Variants in CPNE8 observed in about 807,000 individuals in gnomAD.
The protein encoded by CPNE8 is copine 8.
A neutral mutation model predicts 81.5 loss-of-function variants in CPNE8; 45 were observed. That is an observed-to-expected ratio of 0.55 (90% CI 0.44 to 0.71). CPNE8 has a LOEUF of 0.71. CPNE8 is among the 30% of genes least tolerant of loss of function. CPNE8 has a pLI of 0.00. For synonymous variants in CPNE8, 252 were observed against 226.3 expected (o/e 1.11, Z -1.02); for missense variants, 594 against 672.1 (o/e 0.88, Z 1.28).
intron 10 of CPNE8, among the ~76,000 whole-genome samples, chr12:38,740,075 A>T (rs1272415563): frequency 1.3e-5 from 2 of 152,182 alleles, no homozygotes; most frequent in Non-Finnish European, 1.5e-5. Context: ...TCTAAACAAA[A>T]ATCCCACTGT....
chr12:38,799,015 T>A (rs956130492), intron 6 of CPNE8, among the ~76,000 whole-genome samples: 1 of 152,116 alleles, frequency 6.6e-6, no homozygotes, highest in Non-Finnish European at 1.5e-5. Context: ...TAAATATATA[T>A]TCACCCAATA....
At chr12:38,840,005 G>GA (rs746874043) in intron 4 of CPNE8, 50 bp from the exon 5 acceptor site, 136 of 1,477,344 alleles carry the variant, frequency 9.2e-5, no homozygotes, top group East Asian at 2.1e-4. Flanking sequence ...AATACAGCTA[G>GA]AAAAAAAACC....
intron 4 of CPNE8, among the ~76,000 whole-genome samples, chr12:38,842,726 C>T (rs973575710): frequency 2.6e-5 from 4 of 151,574 alleles, no homozygotes; most frequent in East Asian, 3.9e-4. Context: ...CATAGGTGCC[C>T]GCCATCACAC....
At chr12:38,681,651 C>G (rs1462412394) in intron 16 of CPNE8, among the ~76,000 whole-genome samples, 1 of 152,148 alleles carries the variant, frequency 6.6e-6, no homozygotes, top group Non-Finnish European at 1.5e-5. Flanking sequence ...AGAGCAAAAA[C>G]TGGTTTCCCA....
At chr12:38,853,097 T>C (rs1288499509) in intron 3 of CPNE8, among the ~76,000 whole-genome samples, 1 of 152,192 alleles carries the variant, frequency 6.6e-6, no homozygotes, top group Middle Eastern at 3.2e-3. Context: ...GTTCAGCTTA[T>C]GGGAAATACA....
chr12:38,771,420 T>C (rs766721156), intron 7 of CPNE8, among the ~76,000 whole-genome samples: 13 of 152,034 alleles, frequency 8.6e-5, no homozygotes, highest in Non-Finnish European at 1.9e-4. Context: ...TAGCCAAAAT[T>C]GTGCCACTGC....
chr12:38,659,927 A>C (rs753580287), intron 19 of CPNE8, among the ~76,000 whole-genome samples: 3 of 152,204 alleles, frequency 2.0e-5, no homozygotes, highest in Admixed American at 6.5e-5. Flanking sequence ...GGACCTCTTC[A>C]AGGAGAACTA....
At chr12:38,902,894 A>T (rs1377982766) in intron 1 of CPNE8, among the ~76,000 whole-genome samples, 1 of 152,056 alleles carries the variant, frequency 6.6e-6, no homozygotes, top group Non-Finnish European at 1.5e-5. Flanking sequence ...CCTTGATAAC[A>T]CTCTATATAA....
chr12:38,882,684 A>G (rs1214049080), intron 1 of CPNE8, among the ~76,000 whole-genome samples: 2 of 152,114 alleles, frequency 1.3e-5, no homozygotes, highest in Non-Finnish European at 2.9e-5. Flanking sequence ...CTCGCTTGCA[A>G]AAAACCCATT....
In CPNE8 at chr12:38,866,258, T is replaced by C. The variant is rs1943912063; in HGVS notation, c.186+6746A>G. Among the ~76,000 whole-genome samples the C allele has an allele frequency of 1.3e-5, 2 of 152,252 alleles. 1 individual carries two copies. The highest frequency in any genetic ancestry group is 4.8e-5 in the African/African-American group (2 of 41,472). Reference sequence around the variant, plus strand: ...CTCAATCAATCACAGGAAGTCTTTATACATATTGTGAGACTCCTTCCAATA... The same window carrying C: ...CTCAATCAATCACAGGAAGTCTTTACACATATTGTGAGACTCCTTCCAATA... On this transcript the variant is annotated intron_variant, in intron 3 of 19. Coordinates refer to ENST00000331366, the MANE Select transcript of CPNE8 (RefSeq NM_153634.3).
intron 3 of CPNE8, among the ~76,000 whole-genome samples, chr12:38,872,689 TA>T (rs1442106392): frequency 6.6e-6 from 1 of 152,202 alleles, no homozygotes; most frequent in Non-Finnish European, 1.5e-5. Flanking sequence ...AATTGATCTC[TA>T]AAAATAAGAC....
At chr12:38,898,907 A>C (rs543916576) in intron 1 of CPNE8, among the ~76,000 whole-genome samples, 46 of 152,332 alleles carry the variant, frequency 3.0e-4, no homozygotes, top group African/African-American at 1.1e-3. Context: ...ATATGCCACC[A>C]GTGGATGGAG....
intron 6 of CPNE8, among the ~76,000 whole-genome samples, chr12:38,797,337 C>T (rs1394798919): frequency 6.6e-6 from 1 of 152,182 alleles, no homozygotes; most frequent in Non-Finnish European, 1.5e-5. Context: ...GCCAGGTACT[C>T]CTCTGAGACA....
At chr12:38,835,134 C>T (rs1424706222) in intron 5 of CPNE8, among the ~76,000 whole-genome samples, 1 of 152,140 alleles carries the variant, frequency 6.6e-6, no homozygotes, top group Non-Finnish European at 1.5e-5. Context: ...ATCTGCCCAC[C>T]TCGGCCTCTC....
chr12:38,870,436 T>G (rs1373835609), intron 3 of CPNE8, among the ~76,000 whole-genome samples: 1 of 152,140 alleles, frequency 6.6e-6, no homozygotes, highest in East Asian at 1.9e-4. Context: ...ATGTGGCACA[T>G]ACACACCATG....
At chr12:38,860,015 G>C (rs888134001) in intron 3 of CPNE8, among the ~76,000 whole-genome samples, 1 of 152,052 alleles carries the variant, frequency 6.6e-6, no homozygotes, top group Non-Finnish European at 1.5e-5. Context: ...ATGAATTCTT[G>C]ATTATAACAC....
intron 10 of CPNE8, among the ~76,000 whole-genome samples, chr12:38,752,412 T>G (rs1316861158): frequency 6.6e-6 from 1 of 152,208 alleles, no homozygotes; most frequent in Non-Finnish European, 1.5e-5. Context: ...TCTGTGTGCC[T>G]GGCTATTACC....
In CPNE8 at chr12:38,747,129, C is replaced by G. The variant is rs1410547297; in HGVS notation, c.722+13718G>C. On this transcript the variant is annotated intron_variant, in intron 10 of 19. Coordinates refer to ENST00000331366, the MANE Select transcript of CPNE8 (RefSeq NM_153634.3). The stretch of plus-strand genomic sequence containing the variant: ...ATTTATTTTTAAAGAAAAGCAGATC[C>G]TGATTCAGTAATAAAACACTATATG... Among the ~76,000 whole-genome samples, 4 of 152,198 alleles carry G rather than the reference C, an allele frequency of 2.6e-5. No homozygotes were observed. The East Asian group carries it at 7.7e-4, about 29-fold the overall frequency.
chr12:38,671,766 A>T (rs928019709), intron 18 of CPNE8, among the ~76,000 whole-genome samples: 4 of 152,110 alleles, frequency 2.6e-5, no homozygotes, highest in Non-Finnish European at 4.4e-5. Flanking sequence ...TAGATAATGC[A>T]TTTGGGTTGA....
Sources: gnomAD v4.1 joint callset for allele counts (sites outside exome capture counted in the v4.1 genomes callset) on GRCh38, gnomAD v4.1.1 for gene constraint, MANE v1.5 for transcripts, NCBI Gene and HGNC (gene_info 2026-07-23, HGNC 2026-07-21) for gene names.